The following PAM variants were observed in gnomAD, a reference collection of about 807,000 sequenced individuals.
The protein encoded by PAM is peptidylglycine alpha-amidating monooxygenase, also known as peptidyl-glycine alpha-amidating monooxygenase.
PAM carries 72 observed loss-of-function variants against 122.1 expected under a neutral mutation model. The observed-to-expected ratio is 0.59, with a 90% confidence interval of 0.49 to 0.72. The LOEUF (loss-of-function observed/expected upper bound fraction) is 0.72. Ranked by LOEUF, PAM falls within the 30% of genes least tolerant of loss-of-function variation. The probability of loss-of-function intolerance (pLI) is 0.00; values close to 1 mark genes in which losing one functional copy is unlikely to be tolerated. For synonymous variants in PAM, 389 were observed against 404.4 expected (o/e 0.96, Z 0.46); for missense variants, 1,106 against 1,183.7 (o/e 0.93, Z 0.96).
intron 9 of PAM, 80 bp from the exon 10 acceptor site, chr5:102,949,456 AC>A: frequency 1.3e-6 from 1 of 791,392 alleles, no homozygotes; most frequent in Non-Finnish European, 2.3e-6. Flanking sequence ...TCTTGTGAAT[AC>A]CCTATGCATA....
At position 102,969,093 on chromosome 5, in the gene PAM, TA is replaced by T. The variant is rs554587867; in HGVS notation, c.1163-5022del. 3.4e-3 allele frequency among the ~76,000 whole-genome samples: 499 copies of T among 148,856 alleles called. 5 individuals are homozygous for T. Among genetic ancestry groups the T allele is most frequent in the South Asian group, 0.014 (64 of 4,668 alleles). ...TCACACACCAGTGCCTGTCGGGGGG[TA>T]GGGGGCTAGGGGAGGGATAGCATTA... On this transcript the variant is annotated intron_variant, in intron 14 of 25. Transcript: ENST00000438793.
intron 15 of PAM, among the ~76,000 whole-genome samples, chr5:102,979,990 T>A (rs1769217741): frequency 6.6e-6 from 1 of 152,100 alleles, no homozygotes; most frequent in African/African-American, 2.4e-5. Flanking sequence ...AACTTTTTAA[T>A]CATCTTTTAG....
rs35149404 is a variant in PAM at position 102,782,725 on chromosome 5, CTGTGTGTG to C, written c.-374+27405_-374+27412del. On this transcript the variant is annotated intron_variant, in intron 1 of 25. Coordinates refer to ENST00000438793, the MANE Select transcript of PAM (RefSeq NM_001177306.2). The stretch of plus-strand genomic sequence containing the variant: ...CATTTCTCTCTCTCTCTCTCTCTCT[CTGTGTGTG>C]TGTGTGTGTGTGTGTGTGTGTGTGT... 1.2e-3 allele frequency among the ~76,000 whole-genome samples: 164 copies of C among 140,184 alleles called. 1 individual carries two copies. The highest frequency in any genetic ancestry group is 3.9e-3 in the African/African-American group (142 of 36,164). 92.0% of individuals were successfully genotyped at this position (140,184 alleles called of 152,430 possible).
intron 4 of PAM, among the ~76,000 whole-genome samples, chr5:102,908,386 T>C (rs1800266095): frequency 6.6e-6 from 1 of 151,990 alleles, no homozygotes; most frequent in Non-Finnish European, 1.5e-5. Flanking sequence ...CCTTGTAGTA[T>C]AGTTTGAAGT....
At chr5:102,759,325 A>C (rs1007357042) in intron 1 of PAM, among the ~76,000 whole-genome samples, 1 of 152,106 alleles carries the variant, frequency 6.6e-6, no homozygotes, top group African/African-American at 2.4e-5. Flanking sequence ...TTAGCAGCTG[A>C]AGAGGTGGGA....
At chr5:102,910,809 AAAAG>A (rs1373976723) in intron 4 of PAM, among the ~76,000 whole-genome samples, 4 of 151,844 alleles carry the variant, frequency 2.6e-5, no homozygotes, top group African/African-American at 9.7e-5. Flanking sequence ...TGATGGGTGA[AAAAG>A]AAAAGAGACA....
At chr5:102,974,769 A>G (rs1767057432) in intron 15 of PAM, 2 of 187,054 alleles carry the variant, frequency 1.1e-5, no homozygotes, top group Admixed American at 5.7e-5. Context: ...ATTTTGCTCA[A>G]TGGAAATACA....
intron 14 of PAM, among the ~76,000 whole-genome samples, chr5:102,970,062 A>G (rs1479021627): frequency 6.6e-6 from 1 of 152,168 alleles, no homozygotes; most frequent in Non-Finnish European, 1.5e-5. Context: ...CTCCCAGTAG[A>G]TCAAAATAAA....
At chr5:102,991,914 G>A (rs1165983155) in intron 16 of PAM, among the ~76,000 whole-genome samples, 1 of 152,074 alleles carries the variant, frequency 6.6e-6, no homozygotes, top group African/African-American at 2.4e-5. Flanking sequence ...TTTACCAGAG[G>A]AGAAAATTAC....
chr5:102,849,482 C>CGGGA (rs1029144300), intron 1 of PAM, among the ~76,000 whole-genome samples: 1 of 149,132 alleles, frequency 6.7e-6, no homozygotes, highest in Non-Finnish European at 1.5e-5. Flanking sequence ...CGCTTGAACC[C>CGGGA]GGGAGGCGGA....
intron 1 of PAM, among the ~76,000 whole-genome samples, chr5:102,765,895 G>C (rs1391499596): frequency 6.6e-6 from 1 of 152,046 alleles, no homozygotes; most frequent in Non-Finnish European, 1.5e-5. Context: ...ATCTTAACTA[G>C]ATCATCTGCA....
chr5:102,774,653 A>C (rs1455800005), intron 1 of PAM, among the ~76,000 whole-genome samples: 1 of 151,858 alleles, frequency 6.6e-6, no homozygotes, highest in Non-Finnish European at 1.5e-5. Flanking sequence ...GAACATCTTA[A>C]TTTTTTTATT....
chr5:102,816,653 C>A (rs1271904388), intron 1 of PAM, among the ~76,000 whole-genome samples: 1 of 152,156 alleles, frequency 6.6e-6, no homozygotes, highest in Non-Finnish European at 1.5e-5. Flanking sequence ...AAAAGTGCCA[C>A]ATTCATCTGG....
At chr5:102,824,254 C>T (rs904782777) in intron 1 of PAM, among the ~76,000 whole-genome samples, 5 of 152,136 alleles carry the variant, frequency 3.3e-5, no homozygotes, top group African/African-American at 9.7e-5. Flanking sequence ...GCATAGTATA[C>T]GGAACCAAAT....
intron 3 of PAM, among the ~76,000 whole-genome samples, chr5:102,875,523 A>C (rs1788891523): frequency 6.6e-6 from 1 of 152,066 alleles, no homozygotes. Context: ...ACTTTTTCTT[A>C]TATCTTCTAA....
chr5:102,988,236 C>CCTGGGTTTTAAAAACAT (rs1356154853), intron 15 of PAM, among the ~76,000 whole-genome samples: 1 of 143,322 alleles, frequency 7.0e-6, no homozygotes, highest in African/African-American at 3.0e-5. Flanking sequence ...TCTCTGCCCA[C>CCTGGGTTTTAAAAACAT]TTCTACACTT....
chr5:102,940,133 C>CACACACACACACACACAT (rs1754640379), intron 7 of PAM, among the ~76,000 whole-genome samples: 1 of 150,704 alleles, frequency 6.6e-6, no homozygotes, highest in Non-Finnish European at 1.5e-5. Flanking sequence ...CACACACACA[C>CACACACACACACACACAT]ACACACACAC....
At chr5:102,760,302 A>G (rs1751937083) in intron 1 of PAM, among the ~76,000 whole-genome samples, 1 of 152,172 alleles carries the variant, frequency 6.6e-6, no homozygotes, top group East Asian at 1.9e-4. Flanking sequence ...TGGCACAACT[A>G]TGCTGATACT....
At chr5:102,985,201 A>G (rs1016523504) in intron 15 of PAM, among the ~76,000 whole-genome samples, 19 of 152,004 alleles carry the variant, frequency 1.2e-4, no homozygotes, top group African/African-American at 4.3e-4. Flanking sequence ...CAAACCCAAA[A>G]TTAGTAATAG....
Sources: gnomAD v4.1 joint callset for allele counts (sites outside exome capture counted in the v4.1 genomes callset) on GRCh38, gnomAD v4.1.1 for gene constraint, MANE v1.5 for transcripts, NCBI Gene and HGNC (gene_info 2026-07-23, HGNC 2026-07-21) for gene names.